Variants in ANO4 observed in about 807,000 individuals in gnomAD.
ANO4 encodes anoctamin-4.
ANO4 carries 69 observed loss-of-function variants against 141.9 expected under a neutral mutation model. That is an observed-to-expected ratio of 0.49 (90% CI 0.40 to 0.59). The LOEUF (loss-of-function observed/expected upper bound fraction) is 0.59. Among genes scored for constraint, ANO4 ranks in the 20% least tolerant of loss-of-function variants. ANO4 has a pLI of 0.00. For synonymous variants in ANO4, 350 were observed against 394.3 expected (o/e 0.89, Z 1.33); for missense variants, 894 against 1,162.2 (o/e 0.77, Z 3.36).
At chr12:100,988,214 A>G (rs765397976) in intron 8 of ANO4, among the ~76,000 whole-genome samples, 1 of 152,038 alleles carries the variant, frequency 6.6e-6, no homozygotes, top group Non-Finnish European at 1.5e-5. Context: ...GTTATTTGTC[A>G]CTTTTGACAT....
chr12:101,030,320 A>AACTTATT (rs1242254988), intron 9 of ANO4, among the ~76,000 whole-genome samples: 15 of 152,236 alleles, frequency 9.9e-5, no homozygotes, highest in Non-Finnish European at 2.2e-4. Context: ...AGGATTAAGA[A>AACTTATT]ACTTATTAAA....
At chr12:100,845,883 G>A (rs2037532498) in intron 1 of ANO4, among the ~76,000 whole-genome samples, 1 of 152,106 alleles carries the variant, frequency 6.6e-6, no homozygotes, top group African/African-American at 2.4e-5. Flanking sequence ...ATTGAGTAGA[G>A]GAAATGGAAG....
At chr12:101,087,203 G>T (rs994987300) in intron 17 of ANO4, among the ~76,000 whole-genome samples, 2 of 152,120 alleles carry the variant, frequency 1.3e-5, no homozygotes, top group African/African-American at 4.8e-5. Flanking sequence ...GATTATCAAT[G>T]ATAGGAAGAT....
intron 5 of ANO4, among the ~76,000 whole-genome samples, chr12:100,963,548 C>T (rs539520480): frequency 2.0e-5 from 3 of 151,812 alleles, no homozygotes; most frequent in East Asian, 1.9e-4. Context: ...AAATTGCATC[C>T]GAATCAGCTG....
At chr12:101,073,407 C>T (rs1395102073) in intron 14 of ANO4, among the ~76,000 whole-genome samples, 12 of 151,962 alleles carry the variant, frequency 7.9e-5, no homozygotes, top group Admixed American at 6.6e-4. Flanking sequence ...GAACATCACA[C>T]CCCAAGGCAT....
chr12:101,127,556 A>G (rs1480402029), intron 27 of ANO4, among the ~76,000 whole-genome samples: 2 of 152,008 alleles, frequency 1.3e-5, no homozygotes, highest in South Asian at 2.1e-4. Flanking sequence ...TTCTGGCCCC[A>G]CCACTACTGG....
At chr12:100,830,321 A>G (rs2036570283) in intron 1 of ANO4, among the ~76,000 whole-genome samples, 1 of 152,036 alleles carries the variant, frequency 6.6e-6, no homozygotes, top group African/African-American at 2.4e-5. Context: ...TGGCAGCAGT[A>G]AGAGGTCTGT....
intron 1 of ANO4, among the ~76,000 whole-genome samples, chr12:100,839,319 G>C (rs1328804904): frequency 6.6e-6 from 1 of 152,136 alleles, no homozygotes; most frequent in African/African-American, 2.4e-5. Flanking sequence ...ATGGCAGAGA[G>C]AATGATTTTG....
At chr12:100,914,797 A>C (rs773929861) in intron 2 of ANO4, among the ~76,000 whole-genome samples, 1 of 152,104 alleles carries the variant, frequency 6.6e-6, no homozygotes, top group Non-Finnish European at 1.5e-5. Context: ...TAAAGACAGA[A>C]TGGACCTCCC....
At chr12:100,989,539 C>CTGGA in intron 8 of ANO4, among the ~76,000 whole-genome samples, 1 of 143,286 alleles carries the variant, frequency 7.0e-6, no homozygotes, top group African/African-American at 2.6e-5. Context: ...TGATAGGTTG[C>CTGGA]TGGGTGGGTG....
chr12:100,726,655 A>C (rs1369168272), intron 1 of ANO4, among the ~76,000 whole-genome samples: 1 of 152,202 alleles, frequency 6.6e-6, no homozygotes. Flanking sequence ...GCTGCTGTTC[A>C]AGAGACTGCA....
rs529585598 is a variant in ANO4, at chr12:100,958,804, C to T, written c.457-12502C>T. ...TTGAGGCTGCAGTGAGCCAAGATTGCGCCCCTGCGATCCAGCCTGGGCAAC... is the reference window on the plus strand; with the variant it reads ...TTGAGGCTGCAGTGAGCCAAGATTGTGCCCCTGCGATCCAGCCTGGGCAAC... On this transcript the variant is annotated intron_variant, in intron 5 of 27. Transcript: ENST00000392977. 2.9e-3 allele frequency among the ~76,000 whole-genome samples: 437 copies of T among 152,242 alleles called. 4 individuals are homozygous for T. The highest frequency in any genetic ancestry group is 1.0e-2 in the African/African-American group (414 of 41,544).
chr12:100,860,257 G>A (rs1446138149), intron 1 of ANO4, among the ~76,000 whole-genome samples: 2 of 152,174 alleles, frequency 1.3e-5, no homozygotes, highest in Admixed American at 6.5e-5. Flanking sequence ...AAATTCTGAT[G>A]CTAAAGCTTG....
At chr12:100,975,388 T>G (rs538491044) in intron 7 of ANO4, among the ~76,000 whole-genome samples, 7 of 151,792 alleles carry the variant, frequency 4.6e-5, no homozygotes, top group East Asian at 1.9e-4. Flanking sequence ...CTCCCTTCCC[T>G]TCCCTTTCTT....
chr12:100,992,850 A>T (rs567963935), intron 8 of ANO4, among the ~76,000 whole-genome samples: 105 of 152,310 alleles, frequency 6.9e-4, no homozygotes, highest in African/African-American at 2.4e-3. Context: ...GTAAACCTTT[A>T]TTCTTTAACT....
At chr12:101,094,900 T>G (rs959670517) in intron 18 of ANO4, among the ~76,000 whole-genome samples, 3 of 152,160 alleles carry the variant, frequency 2.0e-5, no homozygotes, top group Admixed American at 2.0e-4. Flanking sequence ...GGCAGGAGGA[T>G]TGCCTGAGCC....
intron 4 of ANO4, 140 bp from the exon 5 acceptor site, chr12:100,942,237 C>T: frequency 5.5e-6 from 5 of 905,684 alleles, no homozygotes; most frequent in Non-Finnish European, 8.1e-6. Flanking sequence ...CCTCGGCCTC[C>T]CAAAGTGCTG....
chr12:101,117,862 G>T (rs1313642856), intron 25 of ANO4, among the ~76,000 whole-genome samples: 2 of 152,138 alleles, frequency 1.3e-5, no homozygotes, highest in African/African-American at 4.8e-5. Context: ...AGAAGGTGAA[G>T]GTGAGAGAAG....
At chr12:100,795,850 G>T (rs2034279006) in intron 1 of ANO4, among the ~76,000 whole-genome samples, 1 of 152,158 alleles carries the variant, frequency 6.6e-6, no homozygotes, top group South Asian at 2.1e-4. Flanking sequence ...GGATGTGGCA[G>T]ATTGTTTATT....
Sources: allele counts gnomAD v4.1 joint callset (sites outside exome capture counted in the v4.1 genomes callset), GRCh38; gene constraint gnomAD v4.1.1; transcripts MANE v1.5; gene names NCBI Gene and HGNC (gene_info 2026-07-23, HGNC 2026-07-21).